The following LANCL3 variants were observed in gnomAD, a reference collection of about 807,000 sequenced individuals.
LANCL3 encodes the protein LanC like family member 3.
Under a neutral mutation model 26.5 loss-of-function variants are expected in LANCL3, and 19 were observed. The observed-to-expected ratio is 0.72, with a 90% confidence interval of 0.50 to 1.05. The LOEUF (loss-of-function observed/expected upper bound fraction) is 1.05. LANCL3 is among the 50% of genes least tolerant of loss of function. The probability of loss-of-function intolerance (pLI) is 0.00; values close to 1 mark genes in which losing one functional copy is unlikely to be tolerated. For synonymous variants in LANCL3, 160 were observed against 166.6 expected (o/e 0.96, Z 0.30); for missense variants, 318 against 362.7 (o/e 0.88, Z 1.00).
chrX:37,652,084 A>G (rs923489458), intron 1 of LANCL3, among the ~76,000 whole-genome samples: 1 of 108,565 alleles, frequency 9.2e-6, no homozygotes, highest in Non-Finnish European at 1.9e-5. Context: ...TTTGATTGGC[A>G]TTGTATGCCT....
chrX:37,627,228 C>T (rs895232050), intron 1 of LANCL3, among the ~76,000 whole-genome samples: 82 of 112,156 alleles, frequency 7.3e-4, no homozygotes, highest in African/African-American at 2.5e-3. Context: ...ATTTCTGGCT[C>T]GGCAGTATGC....
rs781813657 is a variant in LANCL3, at chrX:37,655,242, A to G, written c.574-446A>G. 7.1e-5 allele frequency among the ~76,000 whole-genome samples: 8 copies of G among 112,354 alleles called. No homozygotes were observed. The South Asian group carries it at 2.6e-3, about 37-fold the overall frequency. On this transcript the variant is annotated intron_variant, in intron 1 of 4. Coordinates refer to ENST00000378619, the MANE Select transcript of LANCL3 (RefSeq NM_001170331.2). The stretch of plus-strand genomic sequence containing the variant: ...CACAGAATCATGGCTTTATAAGTAC[A>G]GTCTTTATAAGCACAGTCTAAATAA...
At chrX:37,602,123 A>C (rs1249708247) in intron 1 of LANCL3, among the ~76,000 whole-genome samples, 1 of 111,770 alleles carries the variant, frequency 8.9e-6, no homozygotes, top group African/African-American at 3.2e-5. Flanking sequence ...CAGTATTTTG[A>C]CATCCAAACT....
chrX:37,635,465 A>T (rs782742488), intron 1 of LANCL3, among the ~76,000 whole-genome samples: 1 of 111,551 alleles, frequency 9.0e-6, no homozygotes, highest in East Asian at 2.8e-4. Flanking sequence ...TCTCCCCCCA[A>T]ATTTTGTCCT....
intron 1 of LANCL3, among the ~76,000 whole-genome samples, chrX:37,650,894 G>A (rs1414969338): frequency 1.3e-4 from 4 of 30,920 alleles, no homozygotes; most frequent in African/African-American, 4.5e-4. Context: ...CCCACCCCAC[G>A]ACAGGCCCCA....
At chrX:37,574,054 C>CAAAAAAAAAAAAAAAAAAAAAAAAAAA (rs34987799) in intron 1 of LANCL3, among the ~76,000 whole-genome samples, 1 of 33,433 alleles carries the variant, frequency 3.0e-5, no homozygotes, top group African/African-American at 9.3e-5. Context: ...TCAAGGATAG[C>CAAAAAAAAAAAAAAAAAAAAAAAAAAA]AAAAAAAAAA....
At chrX:37,619,923 T>C (rs952172548) in intron 1 of LANCL3, among the ~76,000 whole-genome samples, 18 of 112,407 alleles carry the variant, frequency 1.6e-4, no homozygotes, top group African/African-American at 5.8e-4. Context: ...ATAAACTAAG[T>C]TCACATCTCT....
rs1926787456 is a variant in LANCL3, at chrX:37,675,801, C to T, written c.1251C>T (p.Ser417=). 2 of 1,149,594 alleles carry T rather than the reference C, an allele frequency of 1.7e-6. No individual in the cohort carries two copies. Among genetic ancestry groups the T allele is most frequent in the South Asian group, 2.1e-5 (1 of 48,464 alleles). The allele number at this position is 1,149,594 out of a possible 1,213,427, so 94.7% of individuals were successfully genotyped here. The change falls in exon 5 of 5, where the codon AGC becomes AGT. Residue 417 remains serine (S), a synonymous_variant. Coordinates refer to ENST00000378619, the MANE Select transcript of LANCL3 (RefSeq NM_001170331.2). ...ATCAGGCTGAATTCCCACTCTTCAGCGTCTTTGTTTAGAAGGCTCTATCTT... is the reference window on the plus strand; with the variant it reads ...ATCAGGCTGAATTCCCACTCTTCAGTGTCTTTGTTTAGAAGGCTCTATCTT... The part of the protein sequence containing the change: ...QPNQAEFPLF[S]VFV
At chrX:37,605,868 C>T (rs1227465017) in intron 1 of LANCL3, among the ~76,000 whole-genome samples, 5 of 111,908 alleles carry the variant, frequency 4.5e-5, no homozygotes, top group Non-Finnish European at 1.9e-5. Context: ...TTTCTGAACA[C>T]TGATCACCTT....
At chrX:37,636,035 C>T (rs1310181040) in intron 1 of LANCL3, among the ~76,000 whole-genome samples, 1 of 108,549 alleles carries the variant, frequency 9.2e-6, no homozygotes, top group Non-Finnish European at 1.9e-5. Flanking sequence ...GTTTAGCTCC[C>T]ACTTATAAGT....
chrX:37,674,491 C>T (rs1305275590), intron 4 of LANCL3, among the ~76,000 whole-genome samples: 1 of 110,978 alleles, frequency 9.0e-6, no homozygotes, highest in Non-Finnish European at 1.9e-5. Flanking sequence ...TCCTGTGTGG[C>T]TTATTTTATA....
At chrX:37,605,268 G>A (rs782384745) in intron 1 of LANCL3, among the ~76,000 whole-genome samples, 44 of 111,109 alleles carry the variant, frequency 4.0e-4, no homozygotes, top group Non-Finnish European at 8.1e-4. Context: ...CTTTTGAAAA[G>A]CAAAAAAAAG....
At chrX:37,590,444 T>C (rs1924241010) in intron 1 of LANCL3, among the ~76,000 whole-genome samples, 1 of 112,558 alleles carries the variant, frequency 8.9e-6, no homozygotes, top group African/African-American at 3.2e-5. Flanking sequence ...TATTTTTTTC[T>C]TGCATTAATA....
chrX:37,624,109 A>G (rs1925244451), intron 1 of LANCL3, among the ~76,000 whole-genome samples: 4 of 111,551 alleles, frequency 3.6e-5, no homozygotes, highest in Non-Finnish European at 7.5e-5. Context: ...CTGGGAAAAT[A>G]TTTATTGGAA....
intron 1 of LANCL3, among the ~76,000 whole-genome samples, chrX:37,617,180 T>G (rs1286544105): frequency 9.0e-6 from 1 of 110,945 alleles, no homozygotes; most frequent in Non-Finnish European, 1.9e-5. Flanking sequence ...TTGGAGAGAC[T>G]GGTGAATGTT....
Position 37,680,535 on chromosome X carries a change from G to T in LANCL3, c.*4722G>T, listed in dbSNP as rs1428235335. 1 of 111,689 alleles carries T rather than the reference G, an allele frequency of 9.0e-6. No homozygotes were observed. Among genetic ancestry groups the T allele is most frequent in the Non-Finnish European group, 1.9e-5 (1 of 53,131 alleles). 9.2% of individuals were successfully genotyped at this position (111,689 alleles called of 1,213,427 possible). On this transcript the variant is annotated 3_prime_UTR_variant, in exon 5 of 5. Coordinates refer to ENST00000378619, the MANE Select transcript of LANCL3 (RefSeq NM_001170331.2). The stretch of plus-strand genomic sequence containing the variant: ...TCCCAGAATCTTCTTTTGCCTTTGT[G>T]CACCTGCTAATTACCCCCTCTGAAC...
chrX:37,628,295 A>G (rs1925372723), intron 1 of LANCL3, among the ~76,000 whole-genome samples: 1 of 111,139 alleles, frequency 9.0e-6, no homozygotes, highest in Non-Finnish European at 1.9e-5. Flanking sequence ...AACATCATAC[A>G]CATCCAAATT....
chrX:37,580,378 A>G (rs1156830183), intron 1 of LANCL3, among the ~76,000 whole-genome samples: 7 of 111,862 alleles, frequency 6.3e-5, no homozygotes, highest in Non-Finnish European at 1.3e-4. Context: ...TCACTTTTCA[A>G]AATGTACCTA....
intron 1 of LANCL3, among the ~76,000 whole-genome samples, chrX:37,650,225 T>C (rs1378303942): frequency 8.8e-5 from 9 of 101,802 alleles, no homozygotes; most frequent in African/African-American, 3.3e-4. Flanking sequence ...ATTGCTTTAA[T>C]CCAGGAGGTG....
Sources: allele counts gnomAD v4.1 joint callset (sites outside exome capture counted in the v4.1 genomes callset), GRCh38; gene constraint gnomAD v4.1.1; transcripts MANE v1.5; gene names NCBI Gene and HGNC (gene_info 2026-07-23, HGNC 2026-07-21).